The following MAP4K2 variants were observed in gnomAD, a reference collection of about 807,000 sequenced individuals.
The protein encoded by MAP4K2 is mitogen-activated protein kinase kinase kinase kinase 2.
In MAP4K2, 85 loss-of-function variants were observed where a neutral mutation model predicts 125.3. The ratio of observed to expected loss-of-function variants is 0.68; its 90% CI spans 0.57 to 0.81. The LOEUF is 0.81. MAP4K2 is among the 40% of genes least tolerant of loss of function. MAP4K2 has a pLI of 0.00. For synonymous variants in MAP4K2, 479 were observed against 445.1 expected, an observed-to-expected ratio of 1.08 and a Z score of -0.96; for missense variants, 923 against 1,056.4, an observed-to-expected ratio of 0.87 and a Z score of 1.75.
intron 2 of MAP4K2, 63 bp from the exon 3 acceptor site, chr11:64,802,716 C>G (rs1941293291): frequency 6.5e-7 from 1 of 1,534,988 alleles, no homozygotes; most frequent in African/African-American, 1.4e-5. Flanking sequence ...GTGCCCCCAT[C>G]TGCAAAATGG....
chr11:64,801,850 G>A lies in MAP4K2; in HGVS notation c.367-93C>T, dbSNP rs1727145149. 5 of 1,344,546 alleles carry A rather than the reference G, an allele frequency of 3.7e-6. No individual in the cohort carries two copies. In the South Asian group the frequency reaches 6.0e-5, roughly 16 times the overall value. 83.3% of individuals were successfully genotyped at this position (1,344,546 alleles called of 1,614,324 possible). ...AGGACTGGGGCCCCCCACTCAGGCT[G>A]CTTCTTCCTCCCCTCTCCCCAAACA... On this transcript the variant is annotated intron_variant, in intron 5 of 31. Coordinates refer to ENST00000294066, the MANE Select transcript of MAP4K2 (RefSeq NM_004579.5).
intron 4 of MAP4K2, 99 bp from the exon 5 acceptor site, chr11:64,802,220 A>G: frequency 2.4e-5 from 30 of 1,245,786 alleles, no homozygotes; most frequent in Non-Finnish European, 3.3e-5. Context: ...TGTTAAATGA[A>G]AGCGGTGTTG....
rs2073796 is a variant in MAP4K2 at position 64,798,597 on chromosome 11, C to T, written c.1097+197G>A. 0.02 allele frequency among the ~76,000 whole-genome samples: 3,074 copies of T among 151,754 alleles called. 276 individuals are homozygous for T. The East Asian group carries it at 0.29, about 14-fold the overall frequency. On this transcript the variant is annotated intron_variant, in intron 15 of 31. Transcript: ENST00000294066. ...TTACAGGCATGAGCCACCCGCCCAG[C>T]CTAATTTTTGTATTTTAAGTAGAGG...
In MAP4K2 at chr11:64,802,884, C is replaced by T; in HGVS notation, c.154+1G>A. 1.2e-6 allele frequency: 2 copies of T among 1,601,410 alleles called. No homozygotes were observed. Among genetic ancestry groups the T allele is most frequent in the South Asian group, 2.2e-5 (2 of 89,582 alleles). On this transcript the variant is annotated splice_donor_variant, in intron 2 of 31. Coordinates refer to ENST00000294066, the MANE Select transcript of MAP4K2 (RefSeq NM_004579.5). LOFTEE classifies it high-confidence loss of function. ...CGCAGAGGCCCGACCCGGGCCCTCA[C>T]CTGGGTCTAGCTTGACTATCTTCAC...
At position 64,786,928 on chromosome 11, in the gene MAP4K2, G is replaced by T; in HGVS notation, c.*2609C>A. The T allele has an allele frequency of 6.6e-6, 1 of 151,428 alleles. No homozygotes were observed. Among genetic ancestry groups the T allele is most frequent in the Non-Finnish European group, 1.5e-5 (1 of 67,952 alleles). 9.4% of individuals were successfully genotyped at this position (151,428 alleles called of 1,614,324 possible). On this transcript the variant is annotated 3_prime_UTR_variant, in exon 32 of 32. Coordinates refer to ENST00000294066, the MANE Select transcript of MAP4K2 (RefSeq NM_004579.5). ...AAAAAAAAAAATTTTTTTTTAAAGG[G>T]AGATCTTTAACGCAAAACTCTCCAG... is the stretch of plus-strand genomic sequence containing the variant.
rs371279139 is a variant in MAP4K2 at position 64,791,971 on chromosome 11, C to T, written c.2030G>A (p.Arg677His). 2.3e-5 allele frequency: 37 copies of T among 1,604,846 alleles called. No individual in the cohort carries two copies. The highest frequency in any genetic ancestry group is 9.0e-5 in the East Asian group (4 of 44,604). Residue 677 changes from arginine to histidine, a missense_variant, in exon 27 of 32, where the codon CGC (arginine) becomes CAC (histidine). Coordinates refer to ENST00000294066, the MANE Select transcript of MAP4K2 (RefSeq NM_004579.5). ...CAGGGGCAGGACATGGAACAGGACGCGGCAGCCGGGCCCCTCAGGCCCCTC... is the reference window on the plus strand; with the variant it reads ...CAGGGGCAGGACATGGAACAGGACGTGGCAGCCGGGCCCCTCAGGCCCCTC... ...GAEGPEGPGC[R>H]VLFHVLPLEA...
rs1156232110 is a variant in MAP4K2, at chr11:64,799,481, T to TG, written c.995-3dup. ...GGGCGCCAAATTTCACCTGGTGAACTGGGGGGCCCAGAGTACAAGAGTGAA... is the reference window on the plus strand; with the variant it reads ...GGGCGCCAAATTTCACCTGGTGAACTGGGGGGGCCCAGAGTACAAGAGTGAA... On this transcript the variant is annotated splice_polypyrimidine_tract_variant and splice_region_variant and intron_variant, in intron 13 of 31. Transcript: ENST00000294066. 1 of 1,610,826 alleles carries TG rather than the reference T, an allele frequency of 6.2e-7. No individual in the cohort carries two copies. Among genetic ancestry groups the TG allele is most frequent in the Admixed American group, 1.7e-5 (1 of 58,730 alleles).
intron 12 of MAP4K2, 53 bp from the exon 13 acceptor site, chr11:64,799,736 G>T: frequency 6.8e-7 from 1 of 1,464,038 alleles, no homozygotes; most frequent in African/African-American, 1.4e-5. Flanking sequence ...CTCATGCCGG[G>T]GCTGCTCTAG....
chr11:64,801,921 G>C, intron 5 of MAP4K2, 145 bp downstream of exon 5: 4 of 1,152,154 alleles, frequency 3.5e-6, no homozygotes, highest in Non-Finnish European at 5.0e-6. Flanking sequence ...CCGGCAACAG[G>C]GCTGGGGCCC....
Position 64,796,841 on chromosome 11 carries a change from G to C in MAP4K2, c.1460C>G (p.Ala487Gly). 1.2e-6 allele frequency: 2 copies of C among 1,613,820 alleles called. No individual in the cohort carries two copies. The highest frequency in any genetic ancestry group is 1.7e-6 in the Non-Finnish European group (2 of 1,180,028). The change falls in exon 21 of 32, where the codon GCT becomes GGT. Residue 487 changes from alanine (A) to glycine (G), a missense_variant. Ala to Gly is a moderately conservative substitution (Grantham distance 60). Around this residue, in one of 2 missense-constraint regions of MAP4K2, gnomAD observed 833 missense variants for 911.4 expected, o/e 0.91. Transcript: ENST00000294066. ...AACAGGGTGAATCCAGGTGACAGCA[G>C]CGTGGATCCGCAGGGGGCAGCCATT... ...VFNGCPLRIH[A>G]AVTWIHPVTR...
intron 30 of MAP4K2, 30 bp from the exon 31 acceptor site, chr11:64,789,815 C>T (rs1221969311): frequency 6.2e-7 from 1 of 1,614,038 alleles, no homozygotes; most frequent in Admixed American, 1.7e-5. Flanking sequence ...GCACTGAGGC[C>T]ACTCCAGTAG....
At position 64,800,971 on chromosome 11, in the gene MAP4K2, G is replaced by A; in HGVS notation, c.591C>T (p.Val197=). 1.2e-6 allele frequency: 2 copies of A among 1,614,036 alleles called. No individual in the cohort carries two copies. The highest frequency in any genetic ancestry group is 1.7e-6 in the Non-Finnish European group (2 of 1,180,012). Residue 197 remains valine, a synonymous_variant, in exon 9 of 32, where the codon GTC becomes GTT. Coordinates refer to ENST00000294066, the MANE Select transcript of MAP4K2 (RefSeq NM_004579.5). ...RKGGYNELCD[V]WALGITAIEL... is the part of the protein sequence containing the mutation. The stretch of plus-strand genomic sequence containing the variant: ...CAATGGCAGTGATGCCCAGGGCCCA[G>A]ACGTCACATAGCTCATTGTAGCCAC...
In MAP4K2 at chr11:64,789,508, C is replaced by T. The variant is rs900750990; in HGVS notation, c.*29G>A. On this transcript the variant is annotated 3_prime_UTR_variant, in exon 32 of 32. Transcript: ENST00000294066. ...CCTGCAGCTAAGGCGTGGGGTGGGGCGGGGAGCCCCTGGACAGGCCCGCTG... is the reference window on the plus strand; with the variant it reads ...CCTGCAGCTAAGGCGTGGGGTGGGGTGGGGAGCCCCTGGACAGGCCCGCTG... 9.7e-6 allele frequency: 15 copies of T among 1,552,160 alleles called. No individual in the cohort carries two copies. The highest frequency in any genetic ancestry group is 4.8e-5 in the East Asian group (2 of 41,624).
In MAP4K2 at chr11:64,798,809, T is replaced by C; in HGVS notation, c.1082A>G (p.Lys361Arg). Reference sequence around the variant, plus strand: ...CCTCACTTACCCACTCAACTCTTCCTTTCCCAGTAGTGTCCACTCTTCCTC... The same window carrying C: ...CCTCACTTACCCACTCAACTCTTCCCTTCCCAGTAGTGTCCACTCTTCCTC... ...PWEEEWTLLGKEELSGSLLQS... is the reference protein window; with the variant it reads ...PWEEEWTLLGREELSGSLLQS... Residue 361 changes from lysine to arginine, a missense_variant, in exon 15 of 32, where the codon AAG becomes AGG. By Grantham distance (26) the Lys-to-Arg change is conservative. Transcript: ENST00000294066. 2 of 1,610,514 alleles carry C rather than the reference T, an allele frequency of 1.2e-6. No homozygotes were observed. The highest frequency in any genetic ancestry group is 1.1e-5 in the South Asian group (1 of 90,526).
intron 12 of MAP4K2, 33 bp from the exon 13 acceptor site, chr11:64,799,716 T>G (rs1334707719): frequency 1.3e-6 from 2 of 1,581,568 alleles, no homozygotes; most frequent in African/African-American, 2.7e-5. Flanking sequence ...TGGACACACC[T>G]GGCACGCGCC....
At chr11:64,800,719 G>A (rs1162684603) in intron 10 of MAP4K2, 45 bp downstream of exon 10, 1 of 1,565,012 alleles carries the variant, frequency 6.4e-7, no homozygotes, top group Admixed American at 1.9e-5. Context: ...GTCCACTATG[G>A]GGCTGACAGA....
intron 12 of MAP4K2, among the ~76,000 whole-genome samples, 161 bp downstream of exon 12, chr11:64,799,948 A>G (rs1395045388): frequency 6.6e-6 from 1 of 152,208 alleles, no homozygotes; most frequent in Non-Finnish European, 1.5e-5. Flanking sequence ...GTGGTACAGG[A>G]AACAAAAGTC....
At chr11:64,802,378 G>A in intron 4 of MAP4K2, 41 bp downstream of exon 4, 2 of 1,487,744 alleles carry the variant, frequency 1.3e-6, no homozygotes, top group Non-Finnish European at 1.8e-6. Flanking sequence ...TAGGGGTGGG[G>A]GAAGGCTGGG....
intron 27 of MAP4K2, 43 bp downstream of exon 27, chr11:64,791,866 A>T (rs1347431371): frequency 1.3e-6 from 2 of 1,496,258 alleles, no homozygotes; most frequent in Middle Eastern, 2.0e-4. Flanking sequence ...TCGGTCTCTC[A>T]TGCACACACA....
Sources: allele counts gnomAD v4.1 joint callset (sites outside exome capture counted in the v4.1 genomes callset), GRCh38; gene constraint gnomAD v4.1.1; regional missense constraint gnomAD v4.1.1; transcripts MANE v1.5; gene names NCBI Gene and HGNC (gene_info 2026-07-23, HGNC 2026-07-21).